The following ACSM3 variants were observed in gnomAD, a reference collection of about 807,000 sequenced individuals.
ACSM3 encodes the protein acyl-coenzyme A synthetase ACSM3, mitochondrial.
Under a neutral mutation model 74.1 loss-of-function variants are expected in ACSM3, and 61 were observed. The observed-to-expected ratio is 0.82, with a 90% CI of 0.67 to 1.02. The LOEUF (loss-of-function observed/expected upper bound fraction) is 1.02. Among genes scored for constraint, ACSM3 ranks in the 50% least tolerant of loss-of-function variants. The pLI is 0.00. For missense variants in ACSM3, 660 were observed against 697.0 expected, an observed-to-expected ratio of 0.95 and a Z score of 0.60; for synonymous variants, 213 against 241.5, an observed-to-expected ratio of 0.88 and a Z score of 1.09.
intron 2 of ACSM3, among the ~76,000 whole-genome samples, chr16:20,755,165 T>C (rs1464577249): frequency 2.0e-5 from 3 of 152,198 alleles, no homozygotes; most frequent in Non-Finnish European, 4.4e-5. Flanking sequence ...GTGGTGCCCC[T>C]TCCCTGTCCC....
At chr16:20,761,550 C>T (rs1467682979), upstream of ACSM3, among the ~76,000 whole-genome samples, 1 of 152,198 alleles carries the variant, frequency 6.6e-6, no homozygotes, top group African/African-American at 2.4e-5. Context: ...AAACCCCCCA[C>T]ACGTCTAGTG....
intron 1 of ACSM3, among the ~76,000 whole-genome samples, chr16:20,722,759 A>G (rs2079790301): frequency 1.3e-5 from 2 of 152,214 alleles, no homozygotes; most frequent in Admixed American, 6.5e-5. Flanking sequence ...GTTGTTCTCA[A>G]ATTCACTTGC....
intron 13 of ACSM3, 55 bp from the exon 14 acceptor site, chr16:20,796,831 C>T: frequency 6.2e-7 from 1 of 1,604,318 alleles, no homozygotes; most frequent in Non-Finnish European, 8.5e-7. Flanking sequence ...ATATAATTGG[C>T]TTTATGTAAA....
At chr16:20,792,825 T>G in intron 12 of ACSM3, 1 of 547,444 alleles carries the variant, frequency 1.8e-6, no homozygotes, top group South Asian at 8.0e-5. Context: ...GGAAATAAAC[T>G]CTGAATAACA....
chr16:20,762,651 C>T (rs1485520006), upstream of ACSM3, among the ~76,000 whole-genome samples: 2 of 152,068 alleles, frequency 1.3e-5, no homozygotes, highest in Non-Finnish European at 2.9e-5. Context: ...TATTAACAGG[C>T]TAAAGAAGAA....
intron 1 of ACSM3, chr16:20,736,292 C>T (rs1319058323): frequency 6.6e-6 from 1 of 150,654 alleles, no homozygotes; most frequent in Non-Finnish European, 1.5e-5. Context: ...GTCTGTAGTT[C>T]TATGCCTAAA....
intron 1 of ACSM3, among the ~76,000 whole-genome samples, chr16:20,745,578 AAAATAAATAAAT>A (rs55894266): frequency 0.43 from 64,429 of 150,516 alleles, 16,284 homozygotes; most frequent in Non-Finnish European, 0.58. Context: ...ACTCTGTCTC[AAAATAAATAAAT>A]AAATAAATAA....
intron 1 of ACSM3, among the ~76,000 whole-genome samples, chr16:20,714,812 A>T (rs1294726456): frequency 6.6e-6 from 1 of 152,214 alleles, no homozygotes. Context: ...TCTCAGGAAC[A>T]AGAGGCAAAG....
At chr16:20,686,396 C>T (rs2079554283) in intron 1 of ACSM3, among the ~76,000 whole-genome samples, 1 of 151,978 alleles carries the variant, frequency 6.6e-6, no homozygotes, top group African/African-American at 2.4e-5. Flanking sequence ...AAACAAATGC[C>T]CCCAGTCATG....
intron 1 of ACSM3, chr16:20,722,257 T>C (rs2079788464): frequency 6.6e-6 from 1 of 152,192 alleles, no homozygotes; most frequent in Non-Finnish European, 1.5e-5. Context: ...ACTAGGGCTG[T>C]TGTGATAGTG....
At chr16:20,736,767 C>G in intron 1 of ACSM3, 1 of 1,037,756 alleles carries the variant, frequency 9.6e-7, no homozygotes, top group Non-Finnish European at 1.4e-6. Context: ...GTGAGAACAG[C>G]ATAATGCAGC....
At chr16:20,784,888 A>G in intron 7 of ACSM3, 96 bp from the exon 8 acceptor site, 2 of 1,409,618 alleles carry the variant, frequency 1.4e-6, no homozygotes, top group Non-Finnish European at 1.9e-6. Context: ...AAAAGCGACT[A>G]AAACATTTTA....
intron 1 of ACSM3, among the ~76,000 whole-genome samples, chr16:20,695,991 T>A (rs1187221797): frequency 2.0e-5 from 3 of 152,246 alleles, no homozygotes; most frequent in Non-Finnish European, 4.4e-5. Context: ...CATACAATTA[T>A]AATGACATAT....
chr16:20,795,734 A>C (rs2080709593), intron 12 of ACSM3, among the ~76,000 whole-genome samples: 2 of 152,228 alleles, frequency 1.3e-5, no homozygotes, highest in Admixed American at 1.3e-4. Flanking sequence ...CCTCTAGGGA[A>C]GGCAGTAAAT....
At chr16:20,781,928 T>C in intron 7 of ACSM3, 141 bp downstream of exon 7, 1 of 640,082 alleles carries the variant, frequency 1.6e-6, no homozygotes. Context: ...TCTTTCTCCT[T>C]CTTGCCTGCA....
chr16:20,740,707 TCA>T (rs1470046484), intron 1 of ACSM3, among the ~76,000 whole-genome samples: 1 of 152,220 alleles, frequency 6.6e-6, no homozygotes, highest in Non-Finnish European at 1.5e-5. Flanking sequence ...ATTTAATCCC[TCA>T]GTGTGCGTGT....
Position 20,748,190 on chromosome 16 carries a change from G to A in ACSM3, c.-189-1720G>A, listed in dbSNP as rs1461026596. On this transcript the variant is annotated intron_variant, in intron 1 of 3. Coordinates refer to the ACSM3 transcript ENST00000561584. ...AGATAAATAAATAAATAAACAAAGA[G>A]TCTAGGGTAACTGGAGTTTAGAGGT... 2.6e-5 allele frequency among the ~76,000 whole-genome samples: 4 copies of A among 151,922 alleles called. No individual in the cohort carries two copies. In the South Asian group the frequency reaches 8.3e-4, roughly 32 times the overall value.
intron 1 of ACSM3, chr16:20,736,703 T>G (rs1429357613): frequency 1.5e-6 from 1 of 650,930 alleles, no homozygotes; most frequent in East Asian, 2.8e-5. Flanking sequence ...CCATAAAGGC[T>G]GAAAGATCCC....
intron 1 of ACSM3, among the ~76,000 whole-genome samples, chr16:20,710,398 T>C (rs1227363941): frequency 1.3e-5 from 2 of 152,212 alleles, no homozygotes; most frequent in Non-Finnish European, 2.9e-5. Flanking sequence ...AGCACTTACA[T>C]TGTTCTACTG....
Sources: allele counts gnomAD v4.1 joint callset (sites outside exome capture counted in the v4.1 genomes callset), GRCh38; gene constraint gnomAD v4.1.1; transcripts MANE v1.5; gene names NCBI Gene and HGNC (gene_info 2026-07-23, HGNC 2026-07-21).